The following OGFRL1 variants were observed in gnomAD, a reference collection of about 807,000 sequenced individuals.
OGFRL1 encodes the protein opioid growth factor receptor like 1, also known as opioid growth factor receptor-like protein 1.
Under a neutral mutation model 32.4 loss-of-function variants are expected in OGFRL1, and 26 were observed. The observed-to-expected ratio is 0.80, with a 90% confidence interval of 0.59 to 1.11. The LOEUF is 1.11. Ranked by LOEUF, OGFRL1 falls within the 50% of genes most tolerant of loss-of-function variation. The pLI, the probability that OGFRL1 is intolerant of heterozygous loss-of-function variation, is 0.00. For missense variants in OGFRL1, 521 were observed against 546.4 expected (o/e 0.95, Z 0.46); for synonymous variants, 211 against 201.2 (o/e 1.05, Z -0.41).
intron 6 of OGFRL1, 119 bp downstream of exon 6, chr6:71,296,936 A>G: frequency 8.4e-7 from 1 of 1,186,520 alleles, no homozygotes; most frequent in South Asian, 1.7e-5. Context: ...TTGGATTAAA[A>G]AGCTAGTCTG....
chr6:71,295,068 T>A (rs1412536273), intron 3 of OGFRL1: 1 of 152,122 alleles, frequency 6.6e-6, no homozygotes, highest in Non-Finnish European at 1.5e-5. Flanking sequence ...TAAGGTCAGA[T>A]AAAATGTTTA....
intron 6 of OGFRL1, among the ~76,000 whole-genome samples, chr6:71,299,853 T>C (rs1255673937): frequency 6.6e-6 from 1 of 152,222 alleles, no homozygotes; most frequent in Non-Finnish European, 1.5e-5. Flanking sequence ...CCCTCTGGGC[T>C]TCACAGTTGA....
chr6:71,294,352 C>G (rs1182467774), intron 3 of OGFRL1, among the ~76,000 whole-genome samples: 4 of 152,212 alleles, frequency 2.6e-5, no homozygotes, highest in African/African-American at 9.7e-5. Flanking sequence ...CTCCCAAGAG[C>G]CCTTTTCTGT....
Position 71,301,563 on chromosome 6 carries a change from A to AAG in OGFRL1, c.874_875dup (p.Arg293LysfsTer67), listed in dbSNP as rs1766390186. 1 of 1,614,090 alleles carries AAG rather than the reference A, an allele frequency of 6.2e-7. No homozygotes were observed. The highest frequency in any genetic ancestry group is 8.5e-7 in the Non-Finnish European group (1 of 1,180,044). ...ATTTTGTTTATACAATTAGAGACAG[A>AAG]AGAGAAAGGAGAAAGCTCCTGCGGT... is the stretch of plus-strand genomic sequence containing the variant. On this transcript the variant is annotated frameshift_variant, in exon 7 of 7. Transcript: ENST00000370435. LOFTEE classifies it low-confidence loss of function (END_TRUNC).
chr6:71,295,207 G>A (rs1766168132), intron 3 of OGFRL1: 1 of 152,104 alleles, frequency 6.6e-6, no homozygotes, highest in South Asian at 2.1e-4. Context: ...TCAGGCAGGA[G>A]GAGTGGTAGT....
chr6:71,307,504 C>T lies in OGFRL1; in HGVS notation c.*5455C>T, dbSNP rs1360938884. The T allele has an allele frequency of 1.3e-5, 2 of 151,998 alleles. No homozygotes were observed. Among genetic ancestry groups the T allele is most frequent in the Non-Finnish European group, 2.9e-5 (2 of 68,006 alleles). The allele number at this position is 151,998 out of a possible 1,614,324, so 9.4% of individuals were successfully genotyped here. A position where few individuals can be genotyped will look rare whatever the true frequency, so the allele number is the denominator to read the frequency against. ...AAATATGAGTTTTTTTCCCTCACTC[C>T]TATTTATTTAATTAAAAAATTAGGG... On this transcript the variant is annotated 3_prime_UTR_variant, in exon 7 of 7. Coordinates refer to ENST00000370435, the MANE Select transcript of OGFRL1 (RefSeq NM_024576.5).
chr6:71,288,980 C>T lies in OGFRL1; in HGVS notation c.44C>T (p.Thr15Ile), dbSNP rs772495380. 2 of 1,393,080 alleles carry T rather than the reference C, an allele frequency of 1.4e-6. No individual in the cohort carries two copies. Among genetic ancestry groups the T allele is most frequent in the Non-Finnish European group, 1.9e-6 (2 of 1,057,712 alleles). The allele number at this position is 1,393,080 out of a possible 1,614,324, so 86.3% of individuals were successfully genotyped here. Residue 15 changes from threonine to isoleucine, a missense_variant, in exon 1 of 7, where the codon ACC (threonine) becomes ATC (isoleucine). Coordinates refer to ENST00000370435, the MANE Select transcript of OGFRL1 (RefSeq NM_024576.5). ...GGGGTCAGCTTCCGCGAGCCCACCACCGTGGAGGACTGCGACTCCACCTGG... is the reference window on the plus strand; with the variant it reads ...GGGGTCAGCTTCCGCGAGCCCACCATCGTGGAGGACTGCGACTCCACCTGG... ...LGGVSFREPTTVEDCDSTWQT... is the reference protein window; with the variant it reads ...LGGVSFREPTIVEDCDSTWQT...
In OGFRL1 at chr6:71,302,070, C is replaced by T. The variant is rs1766416731; in HGVS notation, c.*21C>T. The T allele has an allele frequency of 9.4e-6, 14 of 1,489,666 alleles. No individual in the cohort carries two copies. The highest frequency in any genetic ancestry group is 1.2e-5 in the Non-Finnish European group (14 of 1,130,468). The allele number at this position is 1,489,666 out of a possible 1,614,324, so 92.3% of individuals were successfully genotyped here. ...AGTGAATTATCAGAAAACCCAGAAG[C>T]CAGTTTAGGCTAGAGAGGAAAAAAC... On this transcript the variant is annotated 3_prime_UTR_variant, in exon 7 of 7. Coordinates refer to ENST00000370435, the MANE Select transcript of OGFRL1 (RefSeq NM_024576.5).
In OGFRL1 at chr6:71,289,201, G is replaced by C. The variant is rs953357172; in HGVS notation, c.234+31G>C. The C allele has an allele frequency of 4.8e-4, 512 of 1,059,040 alleles. 2 individuals are homozygous for C. Among genetic ancestry groups the C allele is most frequent in the Non-Finnish European group, 5.5e-4 (483 of 879,506 alleles). The allele number at this position is 1,059,040 out of a possible 1,614,324, so 65.6% of individuals were successfully genotyped here. On this transcript the variant is annotated intron_variant, in intron 1 of 6. Transcript: ENST00000370435. ...CGGCCCAGCGGTGGCCTCGGGTCGG[G>C]CTGGGGCGCCCCGACACCCCAGAGG...
Position 71,289,075 on chromosome 6 carries a change from T to C in OGFRL1, c.139T>C (p.Ser47Pro), listed in dbSNP as rs112585190. ...GGGSEGPGQE[S>P]EQPAQPPEQA... The stretch of plus-strand genomic sequence containing the variant: ...CGGCAGCGAGGGCCCGGGGCAGGAG[T>C]CCGAGCAGCCCGCGCAGCCCCCGGA... Residue 47 changes from serine (S) to proline (P), a missense_variant, in exon 1 of 7, where the codon TCC becomes CCC. Coordinates refer to ENST00000370435, the MANE Select transcript of OGFRL1 (RefSeq NM_024576.5). 135,724 of 1,183,244 alleles carry C rather than the reference T, an allele frequency of 0.11. 9,391 individuals are homozygous for C. Among genetic ancestry groups the C allele is most frequent in the African/African-American group, 0.3 (18,481 of 60,690 alleles). The allele number at this position is 1,183,244 out of a possible 1,614,324, so 73.3% of individuals were successfully genotyped here. A position where few individuals can be genotyped will look rare whatever the true frequency, so the allele number is the denominator to read the frequency against.
At chr6:71,294,966 A>G (rs1156358553) in intron 3 of OGFRL1, among the ~76,000 whole-genome samples, 8 of 152,242 alleles carry the variant, frequency 5.3e-5, no homozygotes, top group Admixed American at 5.2e-4. Flanking sequence ...TAATTTAAAA[A>G]GTAATTTCAA....
chr6:71,289,819 A>G, intron 1 of OGFRL1: 2 of 985,282 alleles, frequency 2.0e-6, no homozygotes, highest in Non-Finnish European at 2.4e-6. Flanking sequence ...GAGGTTAGTC[A>G]AGAGATAAGC....
At chr6:71,299,800 A>G (rs374244910) in intron 6 of OGFRL1, among the ~76,000 whole-genome samples, 2 of 152,180 alleles carry the variant, frequency 1.3e-5, no homozygotes, top group African/African-American at 4.8e-5. Context: ...TTCCTATTCA[A>G]AAATACAGAT....
chr6:71,293,855 G>GA (rs1386618494), intron 3 of OGFRL1, among the ~76,000 whole-genome samples: 3 of 152,132 alleles, frequency 2.0e-5, no homozygotes, highest in African/African-American at 7.2e-5. Flanking sequence ...TAGAACCATA[G>GA]AATTTTAGGT....
chr6:71,289,548 T>TTAAAA, intron 1 of OGFRL1: 1 of 539,670 alleles, frequency 1.9e-6, no homozygotes, highest in Non-Finnish European at 2.1e-6. Flanking sequence ...GTGTTATTGG[T>TTAAAA]AAAAAAAAAA....
intron 2 of OGFRL1, 60 bp downstream of exon 2, chr6:71,293,439 T>C: frequency 6.3e-7 from 1 of 1,583,078 alleles, no homozygotes; most frequent in South Asian, 1.1e-5. Context: ...TTTTTAAATT[T>C]TTATGGTGCC....
At chr6:71,298,842 T>G (rs1766295178) in intron 6 of OGFRL1, among the ~76,000 whole-genome samples, 1 of 152,232 alleles carries the variant, frequency 6.6e-6, no homozygotes, top group African/African-American at 2.4e-5. Flanking sequence ...TGGGTCCTTT[T>G]CTGACTTATT....
At chr6:71,301,309 T>A in intron 6 of OGFRL1, 77 bp from the exon 7 acceptor site, 1 of 1,218,868 alleles carries the variant, frequency 8.2e-7, no homozygotes, top group South Asian at 1.5e-5. Context: ...ATAAAAAATA[T>A]TTTCCCAATA....
rs1345361271 is a variant in OGFRL1 at position 71,288,830 on chromosome 6, T to TA, written c.-106dup. The TA allele has an allele frequency of 2.4e-6, 2 of 828,746 alleles. No homozygotes were observed. Among genetic ancestry groups the TA allele is most frequent in the Non-Finnish European group, 1.5e-6 (1 of 680,500 alleles). 51.3% of individuals were successfully genotyped at this position (828,746 alleles called of 1,614,324 possible). ...TGAGGCAGTGCGGGGCGGGCGCGCC[T>TA]AGGCTGCCGCCCAGCGCCCTCGCCG... On this transcript the variant is annotated 5_prime_UTR_variant, in exon 1 of 7. Coordinates refer to ENST00000370435, the MANE Select transcript of OGFRL1 (RefSeq NM_024576.5).
Sources: allele counts gnomAD v4.1 joint callset (sites outside exome capture counted in the v4.1 genomes callset), GRCh38; gene constraint gnomAD v4.1.1; transcripts MANE v1.5; gene names NCBI Gene and HGNC (gene_info 2026-07-23, HGNC 2026-07-21).